The following ZFPM2 variants were observed in gnomAD, a reference collection of about 807,000 sequenced individuals.
The protein encoded by ZFPM2 is zinc finger protein, FOG family member 2.
ZFPM2 carries 20 observed loss-of-function variants against 98.6 expected under a neutral mutation model. The observed-to-expected ratio is 0.20, with a 90% CI of 0.14 to 0.29. The LOEUF (loss-of-function observed/expected upper bound fraction) is 0.29, where lower values mean the gene tolerates loss of function less well. ZFPM2 is among the 10% of genes least tolerant of loss of function. The pLI is 1.00. For missense variants in ZFPM2, 1,310 were observed against 1,388.6 expected (o/e 0.94, Z 0.90); for synonymous variants, 518 against 502.7 (o/e 1.03, Z -0.41).
chr8:105,596,698 T>C (rs1815976806), intron 4 of ZFPM2, among the ~76,000 whole-genome samples: 1 of 150,736 alleles, frequency 6.6e-6, no homozygotes, highest in Non-Finnish European at 1.5e-5. Context: ...AAGCAACTCA[T>C]GATAGAGAAG....
intron 1 of ZFPM2, chr8:105,358,550 G>C (rs1368955743): frequency 6.6e-6 from 1 of 152,246 alleles, no homozygotes; most frequent in African/African-American, 2.4e-5. Flanking sequence ...TAGCAAAGCA[G>C]AATGGTGGGA....
chr8:105,516,008 T>C (rs1813914232), intron 3 of ZFPM2, among the ~76,000 whole-genome samples: 1 of 148,756 alleles, frequency 6.7e-6, no homozygotes, highest in South Asian at 2.2e-4. Flanking sequence ...ACTTCTGCCT[T>C]CCGGGTCTCC....
At chr8:105,797,178 C>CTGA (rs1291537702) in intron 6 of ZFPM2, 9 of 152,344 alleles carry the variant, frequency 5.9e-5, no homozygotes, top group Non-Finnish European at 1.3e-4. Flanking sequence ...ATTTCAACCA[C>CTGA]TGATGCGGTC....
At chr8:105,543,892 T>G (rs1383037947) in intron 3 of ZFPM2, among the ~76,000 whole-genome samples, 4 of 152,162 alleles carry the variant, frequency 2.6e-5, no homozygotes, top group Non-Finnish European at 4.4e-5. Context: ...AACGTTGACA[T>G]TAGTCAGGCA....
At chr8:105,445,391 A>G (rs888000893) in intron 3 of ZFPM2, among the ~76,000 whole-genome samples, 1 of 152,180 alleles carries the variant, frequency 6.6e-6, no homozygotes, top group Admixed American at 6.6e-5. Context: ...TCAAAAATGT[A>G]TTATATTTAA....
chr8:105,569,440 A>G (rs1815310065), intron 4 of ZFPM2, among the ~76,000 whole-genome samples: 1 of 152,166 alleles, frequency 6.6e-6, no homozygotes, highest in South Asian at 2.1e-4. Context: ...CAGCAGAGCA[A>G]TTACCACAGG....
Position 105,518,710 on chromosome 8 carries a change from T to C in ZFPM2, c.302-42653T>C, listed in dbSNP as rs556621085. On this transcript the variant is annotated intron_variant, in intron 3 of 7. Coordinates refer to ENST00000407775, the MANE Select transcript of ZFPM2 (RefSeq NM_012082.4). ...AAAATATGAAAGCCTGGTTGAAGAG[T>C]GCATACCTTTGAAAAATATGTACTA... Among the ~76,000 whole-genome samples the C allele has an allele frequency of 1.6e-4, 25 of 152,290 alleles. 1 individual carries two copies. The highest frequency in any genetic ancestry group is 1.2e-3 in the Admixed American group (19 of 15,290).
At chr8:105,363,662 A>G (rs1810450362) in intron 1 of ZFPM2, among the ~76,000 whole-genome samples, 1 of 152,112 alleles carries the variant, frequency 6.6e-6, no homozygotes, top group Non-Finnish European at 1.5e-5. Flanking sequence ...CCATGAGGCC[A>G]TGTGCTGACA....
At chr8:105,530,781 G>A (rs944247335) in intron 3 of ZFPM2, among the ~76,000 whole-genome samples, 4 of 152,040 alleles carry the variant, frequency 2.6e-5, no homozygotes, top group South Asian at 2.1e-4. Context: ...GACACAATTC[G>A]GTCCATAGCA....
intron 5 of ZFPM2, among the ~76,000 whole-genome samples, chr8:105,764,483 C>G (rs1181279915): frequency 1.3e-5 from 2 of 151,096 alleles, no homozygotes; most frequent in East Asian, 3.9e-4. Flanking sequence ...TTTTTACTTC[C>G]GTTTTTCAAT....
chr8:105,540,666 T>C (rs151271737), intron 3 of ZFPM2, among the ~76,000 whole-genome samples: 273 of 152,222 alleles, frequency 1.8e-3, no homozygotes, highest in Non-Finnish European at 3.1e-3. Context: ...ACAAACTATG[T>C]TGCACGTATT....
chr8:105,695,337 A>G (rs1247003864), intron 5 of ZFPM2, among the ~76,000 whole-genome samples: 3 of 146,694 alleles, frequency 2.0e-5, no homozygotes, highest in African/African-American at 5.1e-5. Flanking sequence ...AGCCCTGTCT[A>G]TATTACTCCA....
In ZFPM2 at chr8:105,419,149, C is replaced by CTTGAAGATGCCA; in HGVS notation, c.56_67dup (p.Ala19_Asp22dup). The CTTGAAGATGCCA allele has an allele frequency of 1.9e-6, 3 of 1,611,244 alleles. No individual in the cohort carries two copies. Among genetic ancestry groups the CTTGAAGATGCCA allele is most frequent in the Non-Finnish European group, 2.5e-6 (3 of 1,178,998 alleles). On this transcript the variant is annotated inframe_insertion, in exon 2 of 8. Coordinates refer to ENST00000407775, the MANE Select transcript of ZFPM2 (RefSeq NM_012082.4). ...TTCCCTGATTCTTTTTCAAGGGCCG[C>CTTGAAGATGCCA]TTGAAGATGCCATTGAAGATGAGGA...
chr8:105,390,775 G>T (rs541969732), intron 1 of ZFPM2, among the ~76,000 whole-genome samples: 1 of 152,228 alleles, frequency 6.6e-6, no homozygotes, highest in South Asian at 2.1e-4. Context: ...AATTATACCA[G>T]GGAGGAGTCT....
chr8:105,505,954 G>A (rs1325616632), intron 3 of ZFPM2, among the ~76,000 whole-genome samples: 1 of 151,924 alleles, frequency 6.6e-6, no homozygotes, highest in East Asian at 1.9e-4. Context: ...TTTTAACAAT[G>A]ATATTTTTAA....
chr8:105,336,481 A>G (rs1812326913), intron 1 of ZFPM2, among the ~76,000 whole-genome samples: 1 of 151,690 alleles, frequency 6.6e-6, no homozygotes, highest in Non-Finnish European at 1.5e-5. Context: ...CAAATATTTA[A>G]ATGAAGTATT....
chr8:105,663,364 C>T (rs1817428586), intron 5 of ZFPM2, among the ~76,000 whole-genome samples: 1 of 152,144 alleles, frequency 6.6e-6, no homozygotes, highest in South Asian at 2.1e-4. Context: ...ACAGAATTGA[C>T]CCAACACACC....
chr8:105,361,426 T>C (rs988873602), intron 1 of ZFPM2, among the ~76,000 whole-genome samples: 2 of 150,618 alleles, frequency 1.3e-5, no homozygotes, highest in African/African-American at 4.9e-5. Context: ...GTAGGTTGCC[T>C]GTTCACTCTG....
At chr8:105,799,849 G>GAAAC (rs906085014) in intron 7 of ZFPM2, among the ~76,000 whole-genome samples, 2 of 152,086 alleles carry the variant, frequency 1.3e-5, no homozygotes, top group Admixed American at 1.3e-4. Flanking sequence ...TTTTAAAATG[G>GAAAC]AAACACATGT....
Sources: gnomAD v4.1 joint callset for allele counts (sites outside exome capture counted in the v4.1 genomes callset) on GRCh38, gnomAD v4.1.1 for gene constraint, MANE v1.5 for transcripts, NCBI Gene and HGNC (gene_info 2026-07-23, HGNC 2026-07-21) for gene names.